Variants in CACNA1G observed in about 807,000 individuals in gnomAD.
The protein encoded by CACNA1G is voltage-dependent T-type calcium channel subunit alpha-1G.
Under a neutral mutation model 219.4 loss-of-function variants are expected in CACNA1G, and 67 were observed. The observed-to-expected ratio is 0.31, with a 90% confidence interval of 0.25 to 0.37. The LOEUF (loss-of-function observed/expected upper bound fraction) is 0.37, where lower values mean the gene tolerates loss of function less well. CACNA1G is among the 10% of genes least tolerant of loss of function. The probability of loss-of-function intolerance (pLI) is 1.00; values close to 1 mark genes in which losing one functional copy is unlikely to be tolerated. For missense variants in CACNA1G, 2,380 were observed against 3,231.4 expected (o/e 0.74, Z 6.39); for synonymous variants, 1,296 against 1,345.3 (o/e 0.96, Z 0.80).
intron 19 of CACNA1G, among the ~76,000 whole-genome samples, chr17:50,602,262 C>T (rs890853070): frequency 1.3e-5 from 2 of 152,236 alleles, no homozygotes; most frequent in South Asian, 2.1e-4. Flanking sequence ...TAGAGATCTG[C>T]GCCTGCCTCC....
rs1396467956 is a variant in CACNA1G, at chr17:50,599,652, G to A, written c.3483G>A (p.Arg1161=). 1 of 1,612,986 alleles carries A rather than the reference G, an allele frequency of 6.2e-7. No individual in the cohort carries two copies. ...CTGCGGGCAGTGACCATCGCCACAG[G>A]GGGTCCCTGGAGCGGGAGGCCAAGA... The part of the protein sequence containing the change: ...ASPAGSDHRH[R]GSLEREAKSS... Residue 1161 remains arginine (R), a synonymous_variant, in exon 17 of 38, where the codon AGG becomes AGA. Transcript: ENST00000359106.
chr17:50,593,387 G>T (rs2044762640), intron 13 of CACNA1G, among the ~76,000 whole-genome samples: 2 of 152,234 alleles, frequency 1.3e-5, no homozygotes, highest in Admixed American at 6.5e-5. Context: ...ACTCTGTGGA[G>T]GGAAATGGAA....
At chr17:50,577,121 G>A (rs757093301) in intron 8 of CACNA1G, among the ~76,000 whole-genome samples, 2 of 152,194 alleles carry the variant, frequency 1.3e-5, no homozygotes, top group South Asian at 2.1e-4. Flanking sequence ...AACCCAGAGC[G>A]AAAGGTTTCT....
Position 50,575,958 on chromosome 17 carries a change from C to A in CACNA1G, c.1556C>A (p.Pro519Gln), listed in dbSNP as rs757227515. 3 of 1,551,440 alleles carry A rather than the reference C, an allele frequency of 1.9e-6. No homozygotes were observed. The East Asian group carries it at 7.3e-5, about 38-fold the overall frequency. The change falls in exon 8 of 38, where the codon CCG becomes CAG. Residue 519 changes from proline to glutamine, a missense_variant. By Grantham distance (76) the Pro-to-Gln change is moderately conservative. This residue lies in a region of CACNA1G where 434 missense variants were observed against 417.3 expected (regional missense o/e 1.04). Coordinates refer to ENST00000359106, the MANE Select transcript of CACNA1G (RefSeq NM_018896.5). ...NGTLRAPRAS[P>Q]EIQDRDANGS... The stretch of plus-strand genomic sequence containing the variant: ...ACGCTCAGGGCCCCCCGGGCCAGCC[C>A]GGAGATCCAGGACAGGGATGCCAAT...
intron 4 of CACNA1G, 64 bp downstream of exon 4, chr17:50,569,867 A>T: frequency 8.1e-7 from 1 of 1,236,132 alleles, no homozygotes; most frequent in African/African-American, 1.5e-5. Flanking sequence ...GAACTCTCAG[A>T]CCCCACCTCT....
chr17:50,567,112 C>T (rs568790530), intron 1 of CACNA1G, among the ~76,000 whole-genome samples: 1 of 152,366 alleles, frequency 6.6e-6, no homozygotes, highest in Admixed American at 6.5e-5. Flanking sequence ...AGGGTGACCC[C>T]TGGCTGACCC....
At chr17:50,619,151 G>A (rs2051178168) in intron 33 of CACNA1G, 143 bp downstream of exon 33, 1 of 648,986 alleles carries the variant, frequency 1.5e-6, no homozygotes, top group Non-Finnish European at 2.5e-6. Context: ...TGCTGAGCGA[G>A]CAGTCACTGC....
At chr17:50,622,047 G>A (rs1373280495) in intron 35 of CACNA1G, among the ~76,000 whole-genome samples, 2 of 152,126 alleles carry the variant, frequency 1.3e-5, no homozygotes, top group African/African-American at 2.4e-5. Context: ...TAGGAGCAGC[G>A]GCAGCCATTA....
intron 13 of CACNA1G, among the ~76,000 whole-genome samples, chr17:50,594,209 A>AGCGCC (rs1222489148): frequency 3.9e-5 from 6 of 152,196 alleles, no homozygotes; most frequent in African/African-American, 1.4e-4. Context: ...TGCAGGGGGC[A>AGCGCC]GCGCCCTGAA....
chr17:50,623,974 G>A lies in CACNA1G; in HGVS notation c.6128G>A (p.Arg2043Gln), dbSNP rs748384797. ...ACTGTGCGGAAGTCTGGGGTCAGCC[G>A]AACGCACTCTCTGCCCAATGACAGC... ...LLTVRKSGVS[R>Q]THSLPNDSYM... Residue 2043 changes from arginine to glutamine, a missense_variant, in exon 36 of 38, where the codon CGA becomes CAA. Physicochemically the swap from Arg to Gln is conservative, Grantham distance 43 (BLOSUM62 1). Coordinates refer to ENST00000359106, the MANE Select transcript of CACNA1G (RefSeq NM_018896.5). The A allele has an allele frequency of 6.2e-7, 1 of 1,613,330 alleles. No individual in the cohort carries two copies. The highest frequency in any genetic ancestry group is 8.5e-7 in the Non-Finnish European group (1 of 1,179,850).
chr17:50,577,700 T>A (rs1479804277), intron 8 of CACNA1G, among the ~76,000 whole-genome samples: 1 of 151,756 alleles, frequency 6.6e-6, no homozygotes, highest in Non-Finnish European at 1.5e-5. Flanking sequence ...CATATGGTGG[T>A]GTCCAAATAG....
chr17:50,587,866 C>CA (rs888594889), intron 9 of CACNA1G, among the ~76,000 whole-genome samples: 1 of 151,756 alleles, frequency 6.6e-6, no homozygotes, highest in Non-Finnish European at 1.5e-5. Flanking sequence ...CGGTGGTGTG[C>CA]AGGAGAGTGA....
rs561371019 is a variant in CACNA1G at position 50,618,223 on chromosome 17, G to A, written c.5307G>A (p.Glu1769=). 845 of 1,613,604 alleles carry A rather than the reference G, an allele frequency of 5.2e-4. 15 individuals carry two copies. The South Asian group carries it at 8.5e-3, about 16-fold the overall frequency. Residue 1769 remains glutamate (E), a splice_region_variant and synonymous_variant, in exon 32 of 38, where the codon GAG becomes GAA. Transcript: ENST00000359106. The surrounding 1 kb of genome is among the most constrained non-coding windows in gnomAD (Gnocchi z 5.3). ...CTCCCCCTTTCCCTCCTCCCCCAGA[G>A]TGTGACGAGACACACCCCTGTGAGG... ...ALGVELFGDL[E]CDETHPCEGL... is the part of the protein sequence containing the mutation.
At position 50,606,886 on chromosome 17, in the gene CACNA1G, C is replaced by A; in HGVS notation, c.4423-14C>A. 6.2e-7 allele frequency: 1 copy of A among 1,600,906 alleles called. No homozygotes were observed. The highest frequency in any genetic ancestry group is 8.6e-7 in the Non-Finnish European group (1 of 1,168,216). On this transcript the variant is annotated splice_polypyrimidine_tract_variant and intron_variant, in intron 23 of 37. Coordinates refer to ENST00000359106, the MANE Select transcript of CACNA1G (RefSeq NM_018896.5). ...CCTAGACTTCAAATGTCTCCTTCTC[C>A]TCCTCCCCATCAGGCCCTGATGTCC...
chr17:50,626,275 G>A lies in CACNA1G; in HGVS notation c.6658G>A (p.Glu2220Lys), dbSNP rs1382514308. Residue 2220 changes from glutamate (E) to lysine (K), a missense_variant, in exon 38 of 38, where the codon GAG becomes AAG. Physicochemically the swap from Glu to Lys is moderately conservative, Grantham distance 56. This residue lies in a region of CACNA1G where 672 missense variants were observed against 670.5 expected (regional missense o/e 1.00). Coordinates refer to ENST00000359106, the MANE Select transcript of CACNA1G (RefSeq NM_018896.5). The surrounding 1 kb of genome is among the most constrained non-coding windows in gnomAD (Gnocchi z 4.3). ...ETRSSLELDT[E>K]LSWISGDLLP... Reference sequence around the variant, plus strand: ...CAGAAGCAGCTTAGAGTTGGACACGGAGCTGAGCTGGATTTCAGGAGACCT... The same window carrying A: ...CAGAAGCAGCTTAGAGTTGGACACGAAGCTGAGCTGGATTTCAGGAGACCT... 1.2e-6 allele frequency: 2 copies of A among 1,613,642 alleles called. No homozygotes were observed. The highest frequency in any genetic ancestry group is 2.2e-5 in the South Asian group (2 of 91,080).
intron 9 of CACNA1G, among the ~76,000 whole-genome samples, chr17:50,580,599 G>A (rs554917191): frequency 2.0e-4 from 31 of 152,324 alleles, no homozygotes; most frequent in South Asian, 1.4e-3. Flanking sequence ...GGCAGCAGCC[G>A]TCAGTCAGGG....
intron 26 of CACNA1G, among the ~76,000 whole-genome samples, chr17:50,614,377 G>A (rs186001538): frequency 5.9e-5 from 9 of 152,212 alleles, no homozygotes; most frequent in East Asian, 5.8e-4. Flanking sequence ...ACACCTCCCC[G>A]TGAAAAGCCT....
intron 24 of CACNA1G, chr17:50,607,526 A>ATCTGACGCTGCCGACGAC: frequency 2.6e-6 from 1 of 384,954 alleles, no homozygotes; most frequent in South Asian, 3.4e-5. Context: ...AGTTTTACAC[A>ATCTGACGCTGCCGACGAC]GAAATTCAGA....
rs2050280661 is a variant in CACNA1G, at chr17:50,615,345, C to T, written c.4760-16C>T. 1 of 1,571,216 alleles carries T rather than the reference C, an allele frequency of 6.4e-7. No individual in the cohort carries two copies. ...GGGGCCTGACGCTTGCTCTGCTCTT[C>T]CCCCTGCCCCATCAGAAGCCCAGTG... On this transcript the variant is annotated splice_polypyrimidine_tract_variant and intron_variant, in intron 26 of 37. Coordinates refer to ENST00000359106, the MANE Select transcript of CACNA1G (RefSeq NM_018896.5).
Sources: allele counts gnomAD v4.1 joint callset (sites outside exome capture counted in the v4.1 genomes callset), GRCh38; gene constraint gnomAD v4.1.1; regional missense constraint gnomAD v4.1.1; non-coding constraint Gnocchi (gnomAD v3.1); transcripts MANE v1.5; gene names NCBI Gene and HGNC (gene_info 2026-07-23, HGNC 2026-07-21).